COPG1: variants seen among roughly 807,000 people sequenced by gnomAD.
The protein encoded by COPG1 is coat protein complex I subunit gamma 1.
COPG1 carries 29 observed loss-of-function variants against 102.8 expected under a neutral mutation model. The observed-to-expected ratio is 0.28, with a 90% CI of 0.21 to 0.38. COPG1 has a LOEUF of 0.38. COPG1 is among the 10% of genes least tolerant of loss of function. The probability of loss-of-function intolerance (pLI) is 1.00; values close to 1 mark genes in which losing one functional copy is unlikely to be tolerated. For missense variants in COPG1, 875 were observed against 1,132.7 expected (o/e 0.77, Z 3.27); for synonymous variants, 406 against 421.6 (o/e 0.96, Z 0.45).
rs1940178470 is a variant in COPG1 at position 129,271,403 on chromosome 3, CCTT to C, written c.1844-360_1844-358del. ...ATCGATCTTATTTTCCTAATTGTCA[CCTT>C]CTTTTAAGAATCCTTGCTGCGGTAG... On this transcript the variant is annotated intron_variant, in intron 18 of 23. Coordinates refer to ENST00000314797, the MANE Select transcript of COPG1 (RefSeq NM_016128.4). This position sits in a 1 kb window ranked among gnomAD's most constrained non-coding sequence, Gnocchi z 4.7. 6.6e-6 allele frequency among the ~76,000 whole-genome samples: 1 copy of C among 152,148 alleles called. No homozygotes were observed. The highest frequency in any genetic ancestry group is 1.5e-5 in the Non-Finnish European group (1 of 68,024).
rs1940243539 is a variant in COPG1 at position 129,275,236 on chromosome 3, G to C, written c.2438G>C (p.Cys813Ser). ...GTGAAGTTCTTGGGAATGCACCCTT[G>C]TGAGAGGTCAGACAAAGTGCCGGAT... ...NIVKFLGMHP[C>S]ERSDKVPDNK... Residue 813 changes from cysteine to serine, a missense_variant, in exon 23 of 24, where the codon TGT becomes TCT. Coordinates refer to ENST00000314797, the MANE Select transcript of COPG1 (RefSeq NM_016128.4). This position sits in a 1 kb window ranked among gnomAD's most constrained non-coding sequence, Gnocchi z 5.0. 2 of 1,614,200 alleles carry C rather than the reference G, an allele frequency of 1.2e-6. No individual in the cohort carries two copies. Among genetic ancestry groups the C allele is most frequent in the Non-Finnish European group, 1.7e-6 (2 of 1,180,028 alleles).
intron 18 of COPG1, among the ~76,000 whole-genome samples, chr3:129,269,244 G>A (rs748037797): frequency 6.6e-6 from 1 of 152,200 alleles, no homozygotes; most frequent in Non-Finnish European, 1.5e-5. Context: ...AACTGGCTCA[G>A]TGCTGTTACT....
At chr3:129,269,911 T>G (rs1379139348) in intron 18 of COPG1, among the ~76,000 whole-genome samples, 1 of 151,470 alleles carries the variant, frequency 6.6e-6, no homozygotes, top group Admixed American at 6.6e-5. Context: ...TTCAGGAGGC[T>G]CCAGGTATTG....
chr3:129,254,000 CAA>C (rs58354730), intron 5 of COPG1, among the ~76,000 whole-genome samples: 1,797 of 73,982 alleles, frequency 0.024, 32 homozygotes, highest in African/African-American at 0.076. Flanking sequence ...GACTGCGTCT[CAA>C]AAAAAAAAAA....
chr3:129,253,024 A>G, intron 5 of COPG1, 69 bp downstream of exon 5: 1 of 1,374,560 alleles, frequency 7.3e-7, no homozygotes, highest in Non-Finnish European at 1.0e-6. Context: ...TCTTGTGTGT[A>G]CCAGACAGTG....
At chr3:129,252,985 T>C in intron 5 of COPG1, 30 bp downstream of exon 5, 1 of 1,594,066 alleles carries the variant, frequency 6.3e-7, no homozygotes, top group East Asian at 2.2e-5. Context: ...GTGGCTCTTC[T>C]GATGGGTTCC....
At chr3:129,259,544 C>T (rs2107674986) in intron 10 of COPG1, among the ~76,000 whole-genome samples, 1 of 151,396 alleles carries the variant, frequency 6.6e-6, no homozygotes, top group South Asian at 2.1e-4. Context: ...CTTATTATAT[C>T]CCCCATATTT....
rs894800290 is a variant in COPG1, at chr3:129,267,955, C to T, written c.1563C>T (p.Asp521=). 1 of 1,613,984 alleles carries T rather than the reference C, an allele frequency of 6.2e-7. No homozygotes were observed. The highest frequency in any genetic ancestry group is 8.5e-7 in the Non-Finnish European group (1 of 1,179,948). ...GCTGCAGGTGTGTGATGGATGATGA[C>T]AATGAAGTAAGGGACCGAGCCACCT... The part of the protein sequence containing the change: ...VLLKRCVMDD[D]NEVRDRATFY... Residue 521 remains aspartate (D), a synonymous_variant, in exon 16 of 24, where the codon GAC becomes GAT. Coordinates refer to ENST00000314797, the MANE Select transcript of COPG1 (RefSeq NM_016128.4).
Position 129,271,276 on chromosome 3 carries a change from C to T in COPG1, c.1844-491C>T, listed in dbSNP as rs1347250804. Among the ~76,000 whole-genome samples the T allele has an allele frequency of 1.3e-5, 2 of 152,196 alleles. No individual in the cohort carries two copies. The highest frequency in any genetic ancestry group is 2.9e-5 in the Non-Finnish European group (2 of 68,030). Reference sequence around the variant, plus strand: ...AAACAATTCTAAGTTAGGTTTTCTGCAACACTCTCATTCTGAAATATCTCT... The same window carrying T: ...AAACAATTCTAAGTTAGGTTTTCTGTAACACTCTCATTCTGAAATATCTCT... On this transcript the variant is annotated intron_variant, in intron 18 of 23. Transcript: ENST00000314797. The surrounding 1 kb of genome is among the most constrained non-coding windows in gnomAD (Gnocchi z 4.7).
intron 12 of COPG1, among the ~76,000 whole-genome samples, chr3:129,263,038 G>T (rs57827682): frequency 8.6e-6 from 1 of 116,424 alleles, no homozygotes; most frequent in South Asian, 2.8e-4. Context: ...AAAAAAAAGA[G>T]TCCTTCTGGA....
chr3:129,267,830 T>C lies in COPG1; in HGVS notation c.1545-107T>C, dbSNP rs181325278. The C allele has an allele frequency of 2.6e-3, 2,071 of 787,796 alleles. 6 individuals are homozygous for C. Among genetic ancestry groups the C allele is most frequent in the Non-Finnish European group, 3.6e-3 (1,675 of 464,312 alleles). 48.8% of individuals were successfully genotyped at this position (787,796 alleles called of 1,614,324 possible). On this transcript the variant is annotated intron_variant, in intron 15 of 23. Transcript: ENST00000314797. Reference sequence around the variant, plus strand: ...TCCACCCTCCGCCTGGGGCCACCACTAGTCTACTTGTTATCCCTATGGACT... The same window carrying C: ...TCCACCCTCCGCCTGGGGCCACCACCAGTCTACTTGTTATCCCTATGGACT...
intron 1 of COPG1, among the ~76,000 whole-genome samples, chr3:129,249,956 C>A (rs895904502): frequency 7.1e-6 from 1 of 140,922 alleles, no homozygotes; most frequent in African/African-American, 3.0e-5. Context: ...TTCTGGGTGA[C>A]CTTGGGCGCG....
intron 5 of COPG1, chr3:129,253,218 C>CT (rs1939736218): frequency 4.9e-6 from 2 of 407,862 alleles, no homozygotes; most frequent in South Asian, 2.7e-5. Context: ...TTCCCAAAGA[C>CT]TTTCTTGAGT....
chr3:129,254,497 A>C, intron 5 of COPG1, 171 bp from the exon 6 acceptor site: 1 of 560,300 alleles, frequency 1.8e-6, no homozygotes, highest in Non-Finnish European at 3.2e-6. Flanking sequence ...TTTGAGTCTT[A>C]TGAAACTCCC....
At position 129,271,319 on chromosome 3, in the gene COPG1, T is replaced by TA; in HGVS notation, c.1844-446dup. ...ATATCTCTTTATTGGCCATTTGTCTTAACTGATAAATATATAGGACCAGTT... is the reference window on the plus strand; with the variant it reads ...ATATCTCTTTATTGGCCATTTGTCTTAAACTGATAAATATATAGGACCAGTT... On this transcript the variant is annotated intron_variant, in intron 18 of 23. Transcript: ENST00000314797. This position sits in a 1 kb window ranked among gnomAD's most constrained non-coding sequence, Gnocchi z 4.7. Among the ~76,000 whole-genome samples, 1 of 152,376 alleles carries TA rather than the reference T, an allele frequency of 6.6e-6. No homozygotes were observed. The highest frequency in any genetic ancestry group is 1.5e-5 in the Non-Finnish European group (1 of 68,036).
rs372947359 is a variant in COPG1 at position 129,257,619 on chromosome 3, G to A, written c.729G>A (p.Glu243=). 1.9e-6 allele frequency: 3 copies of A among 1,614,220 alleles called. No individual in the cohort carries two copies. Among genetic ancestry groups the A allele is most frequent in the Middle Eastern group, 1.6e-4 (1 of 6,062 alleles). ...IRVASKQLEE[E]DGSRDSPLFD... is the part of the protein sequence containing the mutation. ...TGGCCAGCAAGCAGCTGGAAGAGGA[G>A]GATGGCAGGTAACGGCTCTCATCTC... Residue 243 remains glutamate (E), a synonymous_variant, in exon 9 of 24, where the codon GAG becomes GAA. Transcript: ENST00000314797.
intron 7 of COPG1, among the ~76,000 whole-genome samples, chr3:129,255,804 C>T (rs961587634): frequency 9.2e-5 from 14 of 152,174 alleles, no homozygotes; most frequent in Non-Finnish European, 1.5e-4. Context: ...ATTTCTGTAT[C>T]TGTAAGCCTG....
chr3:129,253,767 C>T (rs377526056), intron 5 of COPG1, among the ~76,000 whole-genome samples: 10 of 151,882 alleles, frequency 6.6e-5, no homozygotes, highest in African/African-American at 2.4e-4. Flanking sequence ...CCACAGACTG[C>T]GATGGGTGGA....
rs1940251452 is a variant in COPG1 at position 129,275,593 on chromosome 3, A to G, written c.2494+301A>G. ...TTTCCTTTTTTTAACTCAAATGTTT[A>G]TGTACAAATGGTATATATATTGTCC... is the stretch of plus-strand genomic sequence containing the variant. On this transcript the variant is annotated intron_variant, in intron 23 of 23. Transcript: ENST00000314797. The surrounding 1 kb of genome is among the most constrained non-coding windows in gnomAD (Gnocchi z 5.0). Among the ~76,000 whole-genome samples, 1 of 152,180 alleles carries G rather than the reference A, an allele frequency of 6.6e-6. No homozygotes were observed. Among genetic ancestry groups the G allele is most frequent in the Non-Finnish European group, 1.5e-5 (1 of 68,036 alleles).
Sources: allele counts gnomAD v4.1 joint callset (sites outside exome capture counted in the v4.1 genomes callset), GRCh38; gene constraint gnomAD v4.1.1; non-coding constraint Gnocchi (gnomAD v3.1); transcripts MANE v1.5; gene names NCBI Gene and HGNC (gene_info 2026-07-23, HGNC 2026-07-21).